The following LRIG1 variants were observed in gnomAD, a reference collection of about 807,000 sequenced individuals.
The protein encoded by LRIG1 is leucine-rich repeats and immunoglobulin-like domains protein 1.
In LRIG1, 48 loss-of-function variants were observed where a neutral mutation model predicts 99.2. The observed-to-expected ratio is 0.48, with a 90% CI of 0.38 to 0.62. The LOEUF (loss-of-function observed/expected upper bound fraction) is 0.62. Ranked by LOEUF, LRIG1 falls within the 20% of genes least tolerant of loss-of-function variation. LRIG1 has a pLI of 0.00. For synonymous variants in LRIG1, 772 were observed against 596.1 expected, an observed-to-expected ratio of 1.29 and a Z score of -4.30; for missense variants, 1,646 against 1,434.4, an observed-to-expected ratio of 1.15 and a Z score of -2.38.
At chr3:66,486,746 C>T (rs569607128) in intron 1 of LRIG1, among the ~76,000 whole-genome samples, 24 of 152,348 alleles carry the variant, frequency 1.6e-4, no homozygotes, top group Non-Finnish European at 2.5e-4. Flanking sequence ...CGTCCAATCA[C>T]TCTGCCAATT....
chr3:66,456,763 G>A (rs1575706039), intron 2 of LRIG1, among the ~76,000 whole-genome samples: 1 of 152,246 alleles, frequency 6.6e-6, no homozygotes, highest in Middle Eastern at 3.4e-3. Flanking sequence ...AGCAGGCAGG[G>A]CACACTTGAG....
intron 3 of LRIG1, among the ~76,000 whole-genome samples, chr3:66,444,891 A>G (rs1703665026): frequency 1.3e-5 from 2 of 151,762 alleles, no homozygotes; most frequent in Admixed American, 6.6e-5. Flanking sequence ...ATATATACAC[A>G]CACACATATC....
chr3:66,465,591 C>G (rs1700456195), intron 1 of LRIG1, among the ~76,000 whole-genome samples: 2 of 152,000 alleles, frequency 1.3e-5, no homozygotes, highest in Admixed American at 1.3e-4. Context: ...GTTTCAAACT[C>G]CTGACCTCAG....
intron 1 of LRIG1, among the ~76,000 whole-genome samples, chr3:66,483,100 A>T (rs1700888273): frequency 6.6e-6 from 1 of 152,140 alleles, no homozygotes; most frequent in African/African-American, 2.4e-5. Flanking sequence ...ATCTGCCTAG[A>T]CTATTCCAGC....
chr3:66,442,155 A>T (rs1364253017), intron 3 of LRIG1, among the ~76,000 whole-genome samples: 1 of 152,206 alleles, frequency 6.6e-6, no homozygotes, highest in Non-Finnish European at 1.5e-5. Flanking sequence ...CTATCTTTAA[A>T]AACTCTTGCC....
At chr3:66,406,337 A>AG (rs768054524) in intron 8 of LRIG1, 178 of 985,466 alleles carry the variant, frequency 1.8e-4, no homozygotes, top group Non-Finnish European at 2.0e-4. Flanking sequence ...CTCTGCTCCT[A>AG]GCCCTGGCTG....
At chr3:66,404,841 T>TA (rs1194574964) in intron 9 of LRIG1, among the ~76,000 whole-genome samples, 19 of 152,166 alleles carry the variant, frequency 1.2e-4, no homozygotes, top group Admixed American at 1.2e-3. Context: ...TACTGACCTT[T>TA]ACACAACTTT....
chr3:66,405,820 G>C (rs1398896852), intron 8 of LRIG1: 2 of 1,156,526 alleles, frequency 1.7e-6, no homozygotes, highest in African/African-American at 3.3e-5. Context: ...CTCTGAGCCA[G>C]GGAGGACATC....
rs561179458 is a variant in LRIG1 at position 66,382,541 on chromosome 3, G to A, written c.2492-143C>T. On this transcript the variant is annotated intron_variant, in intron 15 of 18. Coordinates refer to ENST00000273261, the MANE Select transcript of LRIG1 (RefSeq NM_015541.3). The stretch of plus-strand genomic sequence containing the variant: ...GAGAGATGACATGGAGTCCATGTAC[G>A]CAACAGGCCCTCCCAGAGCCTGCTC... The A allele has an allele frequency of 3.4e-4, 314 of 937,272 alleles. 1 individual carries two copies. The highest frequency in any genetic ancestry group is 1.1e-3 in the South Asian group (71 of 67,086). 58.1% of individuals were successfully genotyped at this position (937,272 alleles called of 1,614,324 possible). A position where few individuals can be genotyped will look rare whatever the true frequency, so the allele number is the denominator to read the frequency against.
chr3:66,449,664 G>A (rs978974336), intron 3 of LRIG1, among the ~76,000 whole-genome samples: 8 of 152,200 alleles, frequency 5.3e-5, no homozygotes, highest in Admixed American at 2.0e-4. Flanking sequence ...CTCCTGCCCC[G>A]AGTGCATGGG....
At position 66,414,182 on chromosome 3, in the gene LRIG1, G is replaced by A. The variant is rs555021359; in HGVS notation, c.647+738C>T. On this transcript the variant is annotated intron_variant, in intron 5 of 18. Transcript: ENST00000273261. ...GGAGGCCAAGGCAGGCGGATCACGA[G>A]GTCAGGAGATCGAGACCATCCTGGG... is the stretch of plus-strand genomic sequence containing the variant. 3.3e-5 allele frequency among the ~76,000 whole-genome samples: 5 copies of A among 152,224 alleles called. No homozygotes were observed. In the South Asian group the frequency reaches 1.0e-3, roughly 32 times the overall value.
chr3:66,380,750 G>T lies in LRIG1; in HGVS notation c.2882C>A (p.Ala961Glu), dbSNP rs191578336. Residue 961 changes from alanine (A) to glutamate (E), a missense_variant, in exon 18 of 19, where the codon GCG (alanine) becomes GAG (glutamate). By Grantham distance (107) the Ala-to-Glu change is moderately radical. Coordinates refer to ENST00000273261, the MANE Select transcript of LRIG1 (RefSeq NM_015541.3). ...CCCACCCGGCTCCGGGCCATTTGGC[G>T]CACTTGGCTGTGCGCTGTCTCTGGA... ...PVSRDSAQPS[A>E]PNGPEPGGSD... is the part of the protein sequence containing the mutation. 25 of 1,614,060 alleles carry T rather than the reference G, an allele frequency of 1.5e-5. No individual in the cohort carries two copies. The East Asian group carries it at 5.3e-4, about 35-fold the overall frequency.
chr3:66,444,616 G>A (rs187990949), intron 3 of LRIG1, among the ~76,000 whole-genome samples: 3 of 152,324 alleles, frequency 2.0e-5, no homozygotes, highest in Admixed American at 2.0e-4. Flanking sequence ...GAACTCATGA[G>A]CAAAGCAAAT....
chr3:66,384,314 A>AT (rs752534485), intron 13 of LRIG1, 42 bp from the exon 14 acceptor site: 10 of 1,579,412 alleles, frequency 6.3e-6, no homozygotes, highest in Non-Finnish European at 7.8e-6. Context: ...CGGGACAGCT[A>AT]GATGCAAAAC....
intron 4 of LRIG1, 39 bp downstream of exon 4, chr3:66,417,090 C>T (rs961131447): frequency 1.9e-6 from 3 of 1,606,352 alleles, no homozygotes; most frequent in Non-Finnish European, 2.6e-6. Flanking sequence ...TGGCTGGACA[C>T]AGCGGGCCAG....
chr3:66,403,595 CAAAGGAG>C (rs1702144627), intron 9 of LRIG1, among the ~76,000 whole-genome samples: 1 of 152,104 alleles, frequency 6.6e-6, no homozygotes, highest in Admixed American at 6.5e-5. Flanking sequence ...AGCAGGGGGA[CAAAGGAG>C]AAAGCACCAG....
At chr3:66,417,549 G>C in intron 3 of LRIG1, 1 of 402,696 alleles carries the variant, frequency 2.5e-6, no homozygotes, top group Non-Finnish European at 4.6e-6. Flanking sequence ...TGTGAGACCA[G>C]CATGACCTGA....
rs113736624 is a variant in LRIG1, at chr3:66,399,109, A to C, written c.1161-68T>G. ...AGCGAAACAGGAAGGGTTGAGAGAAAGAAAAAGAAAAAGAAAACACACAAT... is the reference window on the plus strand; with the variant it reads ...AGCGAAACAGGAAGGGTTGAGAGAACGAAAAAGAAAAAGAAAACACACAAT... On this transcript the variant is annotated intron_variant, in intron 9 of 18. Transcript: ENST00000273261. 2,125 of 1,218,208 alleles carry C rather than the reference A, an allele frequency of 1.7e-3. 3 individuals carry two copies. The highest frequency in any genetic ancestry group is 2.8e-3 in the Admixed American group (149 of 53,886). 75.5% of individuals were successfully genotyped at this position (1,218,208 alleles called of 1,614,324 possible). A position where few individuals can be genotyped will look rare whatever the true frequency, so the allele number is the denominator to read the frequency against.
chr3:66,416,678 A>G (rs1292822650), intron 4 of LRIG1, among the ~76,000 whole-genome samples: 2 of 152,212 alleles, frequency 1.3e-5, no homozygotes, highest in Non-Finnish European at 2.9e-5. Context: ...GACTTGTTTT[A>G]CAGTGCATGA....
Sources: allele counts gnomAD v4.1 joint callset (sites outside exome capture counted in the v4.1 genomes callset), GRCh38; gene constraint gnomAD v4.1.1; transcripts MANE v1.5; gene names NCBI Gene and HGNC (gene_info 2026-07-23, HGNC 2026-07-21).